SIGLEC1: variants seen among roughly 807,000 people sequenced by gnomAD.
SIGLEC1 encodes sialoadhesin.
A neutral mutation model predicts 148.0 loss-of-function variants in SIGLEC1; 132 were observed. The observed-to-expected ratio is 0.89, with a 90% CI of 0.77 to 1.03. The LOEUF (loss-of-function observed/expected upper bound fraction) is 1.03, where lower values mean the gene tolerates loss of function less well. SIGLEC1 is among the 50% of genes least tolerant of loss of function. The probability of loss-of-function intolerance (pLI) is 0.00; values close to 1 mark genes in which losing one functional copy is unlikely to be tolerated. For synonymous variants in SIGLEC1, 945 were observed against 969.0 expected, an observed-to-expected ratio of 0.98 and a Z score of 0.46; for missense variants, 2,253 against 2,271.4, an observed-to-expected ratio of 0.99 and a Z score of 0.16.
chr20:3,705,645 A>C, intron 4 of SIGLEC1, 99 bp downstream of exon 4: 1 of 1,342,190 alleles, frequency 7.5e-7, no homozygotes, highest in Admixed American at 2.0e-5. Context: ...GTTTTGCATC[A>C]GGAGCAAGGG....
chr20:3,698,055 A>G lies in SIGLEC1; in HGVS notation c.1865T>C (p.Leu622Pro). ...GGGGTCGCTGTCCACACGGCACAAA[A>G]GGAGGCCTCGCCGTCCAGCCCCGGC... Reference protein sequence around the residue: ...AGAGAGRRGLLLCRVDSDPPA... With the variant: ...AGAGAGRRGLPLCRVDSDPPA... The change falls in exon 9 of 22, where the codon CTT becomes CCT. Residue 622 changes from leucine (L) to proline (P), a missense_variant. Leu to Pro is a moderately conservative substitution (Grantham distance 98). Coordinates refer to ENST00000344754, the MANE Select transcript of SIGLEC1 (RefSeq NM_023068.4). The G allele has an allele frequency of 6.2e-7, 1 of 1,607,002 alleles. No individual in the cohort carries two copies. Among genetic ancestry groups the G allele is most frequent in the African/African-American group, 1.3e-5 (1 of 74,734 alleles).
intron 14 of SIGLEC1, among the ~76,000 whole-genome samples, 156 bp from the exon 15 acceptor site, chr20:3,693,287 C>A (rs1325588010): frequency 1.3e-5 from 2 of 152,218 alleles, no homozygotes; most frequent in Non-Finnish European, 2.9e-5. Context: ...AGACAGGACT[C>A]ACCCCAGCGC....
rs565327423 is a variant in SIGLEC1, at chr20:3,691,712, C to G, written c.4331-112G>C. Reference sequence around the variant, plus strand: ...ACATTGTGGGAAGGTCTCAGTCTGACTTGGTATAGGGCTTTCCAAGGTGGA... The same window carrying G: ...ACATTGTGGGAAGGTCTCAGTCTGAGTTGGTATAGGGCTTTCCAAGGTGGA... On this transcript the variant is annotated intron_variant, in intron 17 of 21. Coordinates refer to ENST00000344754, the MANE Select transcript of SIGLEC1 (RefSeq NM_023068.4). 4.4e-5 allele frequency: 64 copies of G among 1,446,098 alleles called. No homozygotes were observed. The Middle Eastern group carries it at 7.5e-4, about 17-fold the overall frequency. The allele number at this position is 1,446,098 out of a possible 1,614,324, so 89.6% of individuals were successfully genotyped here.
chr20:3,696,773 C>T lies in SIGLEC1; in HGVS notation c.2496G>A (p.Gly832=), dbSNP rs2087804452. ...RPLALLALFH[G]EHLLATSLGP... ...CCAGGCTGGTGGCCAGGAGGTGCTC[C>T]CCATGGAACAAGGCCAGCAAGGCCA... The change falls in exon 11 of 22, where the codon GGG becomes GGA. Residue 832 remains glycine, a synonymous_variant. Coordinates refer to ENST00000344754, the MANE Select transcript of SIGLEC1 (RefSeq NM_023068.4). 1 of 1,613,164 alleles carries T rather than the reference C, an allele frequency of 6.2e-7. No homozygotes were observed. Among genetic ancestry groups the T allele is most frequent in the Non-Finnish European group, 8.5e-7 (1 of 1,179,904 alleles).
At chr20:3,696,525 C>G in intron 11 of SIGLEC1, 61 bp downstream of exon 11, 1 of 1,469,598 alleles carries the variant, frequency 6.8e-7, no homozygotes, top group Non-Finnish European at 9.2e-7. Flanking sequence ...AGCCCAAAGT[C>G]TGACCAGAGT....
chr20:3,689,603 C>T lies in SIGLEC1; in HGVS notation c.4994G>A (p.Trp1665Ter), dbSNP rs745312681. ...CCACTCCCAGCTCCAGACCCACCTCCAGGTGTAGCAGGCCCCCAGGCCCAA... is the reference window on the plus strand; with the variant it reads ...CCACTCCCAGCTCCAGACCCACCTCTAGGTGTAGCAGGCCCCCAGGCCCAA... ...LLLGLGACYT[W>*]RRRRVCKQSM... The change falls in exon 20 of 22, where the codon TGG (tryptophan) becomes TAG (stop). Residue 1665 changes from tryptophan (W) to a stop codon, truncating the protein, a stop_gained. Coordinates refer to ENST00000344754, the MANE Select transcript of SIGLEC1 (RefSeq NM_023068.4). LOFTEE classifies it high-confidence loss of function. 6.4e-7 allele frequency: 1 copy of T among 1,573,606 alleles called. No homozygotes were observed. The highest frequency in any genetic ancestry group is 8.6e-7 in the Non-Finnish European group (1 of 1,159,178).
At position 3,706,512 on chromosome 20, in the gene SIGLEC1, G is replaced by A. The variant is rs2087896162; in HGVS notation, c.244C>T (p.Arg82Cys). ...ATGAACTCGGTGCGGCCGCGGAAGC[G>A]GGCCTCCACCAGCTTGGGGTCCGCC... The part of the protein sequence containing the change: ...HSADPKLVEA[R>C]FRGRTEFMGN... Residue 82 changes from arginine to cysteine, a missense_variant, in exon 3 of 22, where the codon CGC becomes TGC. By Grantham distance (180) the Arg-to-Cys change is radical. Transcript: ENST00000344754. 3.1e-6 allele frequency: 5 copies of A among 1,613,330 alleles called. No individual in the cohort carries two copies. Among genetic ancestry groups the A allele is most frequent in the South Asian group, 1.1e-5 (1 of 91,086 alleles).
intron 21 of SIGLEC1, 68 bp downstream of exon 21, chr20:3,689,087 C>G: frequency 7.4e-7 from 1 of 1,349,100 alleles, no homozygotes; most frequent in South Asian, 1.2e-5. Context: ...TGACAGCAGT[C>G]TCCAGATGCC....
At position 3,690,225 on chromosome 20, in the gene SIGLEC1, G is replaced by C. The variant is rs1182261986; in HGVS notation, c.4631C>G (p.Pro1544Arg). The C allele has an allele frequency of 6.4e-7, 1 of 1,553,126 alleles. No homozygotes were observed. Among genetic ancestry groups the C allele is most frequent in the Non-Finnish European group, 8.7e-7 (1 of 1,148,770 alleles). Residue 1544 changes from proline (P) to arginine (R), a missense_variant, in exon 19 of 22, where the codon CCT becomes CGT. Coordinates refer to ENST00000344754, the MANE Select transcript of SIGLEC1 (RefSeq NM_023068.4). ...KTPTMMVFVEPEGGLRGILDC... is the reference protein window; with the variant it reads ...KTPTMMVFVEREGGLRGILDC... ...CAGGATGCCCCGGAGGCCACCCTCA[G>C]GCTCCACGAAGACCATCATGGTGGG...
intron 7 of SIGLEC1, among the ~76,000 whole-genome samples, chr20:3,700,106 CTTTTTTTTT>C (rs58342380): frequency 2.8e-5 from 1 of 36,064 alleles, no homozygotes; most frequent in African/African-American, 1.1e-4. Flanking sequence ...CTGTGGCCAG[CTTTTTTTTT>C]TTTTTTTTTT....
At position 3,693,512 on chromosome 20, in the gene SIGLEC1, C is replaced by T. The variant is rs775959016; in HGVS notation, c.3443G>A (p.Arg1148His). The change falls in exon 14 of 22, where the codon CGC becomes CAC. Residue 1148 changes from arginine (R) to histidine (H), a missense_variant. Transcript: ENST00000344754. ...NVTVRDATSY[R>H]CGVGPPGRAP... ...CCGACCAGGGGGGCCCACACCGCAG[C>T]GGTAGGAGGTGGCATCCCTGACTGT... is the stretch of plus-strand genomic sequence containing the variant. 6.2e-6 allele frequency: 10 copies of T among 1,610,154 alleles called. No individual in the cohort carries two copies. Among genetic ancestry groups the T allele is most frequent in the South Asian group, 3.3e-5 (3 of 90,526 alleles).
In SIGLEC1 at chr20:3,693,536, G is replaced by GT. The variant is rs1417572060; in HGVS notation, c.3418dup (p.Thr1140AsnfsTer97). On this transcript the variant is annotated frameshift_variant, in exon 14 of 22. Transcript: ENST00000344754. LOFTEE classifies it high-confidence loss of function. Reference sequence around the variant, plus strand: ...GCGGTAGGAGGTGGCATCCCTGACTGTGACGTTGGGCAGGGGGATGGAGTG... The same window carrying GT: ...GCGGTAGGAGGTGGCATCCCTGACTGTTGACGTTGGGCAGGGGGATGGAGTG... 2 of 1,612,292 alleles carry GT rather than the reference G, an allele frequency of 1.2e-6. No individual in the cohort carries two copies. Among genetic ancestry groups the GT allele is most frequent in the Non-Finnish European group, 8.5e-7 (1 of 1,179,384 alleles).
In SIGLEC1 at chr20:3,701,329, G is replaced by A; in HGVS notation, c.1528+13C>T. ...CTCCCTCCACTCTCCCTGGCTGCCA[G>A]TGCCCATCTTACCATTGGCATGGAA... is the stretch of plus-strand genomic sequence containing the variant. On this transcript the variant is annotated intron_variant, in intron 7 of 21. Coordinates refer to ENST00000344754, the MANE Select transcript of SIGLEC1 (RefSeq NM_023068.4). 1 of 1,594,164 alleles carries A rather than the reference G, an allele frequency of 6.3e-7. No homozygotes were observed.
Position 3,697,286 on chromosome 20 carries a change from A to C in SIGLEC1, c.2179T>G (p.Leu727Val). 6.2e-7 allele frequency: 1 copy of C among 1,613,988 alleles called. No homozygotes were observed. The highest frequency in any genetic ancestry group is 8.5e-7 in the Non-Finnish European group (1 of 1,180,022). The part of the protein sequence containing the change: ...HTLQEGTEAN[L>V]TCNVSREAAG... Reference sequence around the variant, plus strand: ...GCTTCCCGGCTCACGTTGCAAGTCAAGTTGGCTTCTGTGCCCTCCTGAAGT... The same window carrying C: ...GCTTCCCGGCTCACGTTGCAAGTCACGTTGGCTTCTGTGCCCTCCTGAAGT... The change falls in exon 10 of 22, where the codon TTG (leucine) becomes GTG (valine). Residue 727 changes from leucine (L) to valine (V), a missense_variant. Coordinates refer to ENST00000344754, the MANE Select transcript of SIGLEC1 (RefSeq NM_023068.4).
intron 13 of SIGLEC1, 100 bp downstream of exon 13, chr20:3,694,121 C>A: frequency 7.7e-7 from 1 of 1,305,208 alleles, no homozygotes; most frequent in Non-Finnish European, 1.0e-6. Context: ...GGGGACTATT[C>A]CCGTGCCCCC....
At chr20:3,706,270 TG>T in intron 3 of SIGLEC1, 76 bp downstream of exon 3, 1 of 1,533,444 alleles carries the variant, frequency 6.5e-7, no homozygotes, top group Admixed American at 1.8e-5. Flanking sequence ...GGACAAGGGC[TG>T]GGGCTGAGAG....
At chr20:3,706,741 G>A (rs2087899709) in intron 2 of SIGLEC1, 35 bp from the exon 3 acceptor site, 1 of 1,509,508 alleles carries the variant, frequency 6.6e-7, no homozygotes, top group East Asian at 2.5e-5. Context: ...AGAGGGGAGG[G>A]TGATACAGGC....
intron 7 of SIGLEC1, among the ~76,000 whole-genome samples, chr20:3,700,244 A>C (rs2146527120): frequency 6.8e-6 from 1 of 146,786 alleles, no homozygotes; most frequent in East Asian, 2.1e-4. Context: ...CAGCCTCCCT[A>C]GTAGCTGGGA....
rs758709994 is a variant in SIGLEC1, at chr20:3,705,880, C to T, written c.570G>A (p.Lys190=). ...PARSVTFNSQ[K]FEPTGVGHLE... is the part of the protein sequence containing the mutation. ...GGTGGCCGACGCCGGTGGGCTCAAACTTCTGGCTGTTGAAGGTGACAGAGC... is the reference window on the plus strand; with the variant it reads ...GGTGGCCGACGCCGGTGGGCTCAAATTTCTGGCTGTTGAAGGTGACAGAGC... Residue 190 remains lysine, a synonymous_variant, in exon 4 of 22, where the codon AAG becomes AAA. Coordinates refer to ENST00000344754, the MANE Select transcript of SIGLEC1 (RefSeq NM_023068.4). 1.2e-6 allele frequency: 2 copies of T among 1,614,054 alleles called. No homozygotes were observed. The highest frequency in any genetic ancestry group is 1.7e-6 in the Non-Finnish European group (2 of 1,180,050).
Sources: allele counts gnomAD v4.1 joint callset (sites outside exome capture counted in the v4.1 genomes callset), GRCh38; gene constraint gnomAD v4.1.1; transcripts MANE v1.5; gene names NCBI Gene and HGNC (gene_info 2026-07-23, HGNC 2026-07-21).